NTM: variants seen among roughly 807,000 people sequenced by gnomAD.
NTM encodes neurotrimin, also known as IgLON family member 2.
Under a neutral mutation model 42.1 loss-of-function variants are expected in NTM, and 13 were observed. The observed-to-expected ratio is 0.31, with a 90% CI of 0.20 to 0.49. The LOEUF (loss-of-function observed/expected upper bound fraction) is 0.49. Among genes scored for constraint, NTM ranks in the 20% least tolerant of loss-of-function variants. The pLI, the probability that NTM is intolerant of heterozygous loss-of-function variation, is 0.99. For synonymous variants in NTM, 187 were observed against 179.2 expected (o/e 1.04, Z -0.35); for missense variants, 373 against 452.8 (o/e 0.82, Z 1.60).
chr11:131,874,035 ATATATATATATAT>A lies in NTM; in HGVS notation c.83-37528_83-37516del, dbSNP rs1400756142. Among the ~76,000 whole-genome samples, 25 of 17,758 alleles carry A rather than the reference ATATATATATATAT, an allele frequency of 1.4e-3. 2 individuals are homozygous for A. The highest frequency in any genetic ancestry group is 3.1e-3 in the African/African-American group (23 of 7,498). 11.6% of individuals were successfully genotyped at this position (17,758 alleles called of 152,430 possible). On this transcript the variant is annotated intron_variant, in intron 1 of 8. Coordinates refer to ENST00000683400, the MANE Select transcript of NTM (RefSeq NM_001352005.2). ...ATATTTATATAATATAATATAATAT[ATATATATATATAT>A]ATATATATATATATATATATCAGCA...
chr11:131,465,531 G>A (rs1951801534), intron 1 of NTM, among the ~76,000 whole-genome samples: 1 of 152,128 alleles, frequency 6.6e-6, no homozygotes. Context: ...AACCATTAAA[G>A]TTCTTGTCAT....
chr11:131,451,520 G>T (rs1314020834), intron 1 of NTM, among the ~76,000 whole-genome samples: 2 of 152,136 alleles, frequency 1.3e-5, no homozygotes, highest in Non-Finnish European at 2.9e-5. Flanking sequence ...TCCCATGCAG[G>T]AACTGCTGTG....
At chr11:131,818,534 A>G (rs1274275875) in intron 1 of NTM, among the ~76,000 whole-genome samples, 1 of 152,148 alleles carries the variant, frequency 6.6e-6, no homozygotes, top group East Asian at 1.9e-4. Flanking sequence ...CAGCCTCTTG[A>G]AAGTTGTTGG....
chr11:132,186,087 G>C (rs916088941), intron 3 of NTM, among the ~76,000 whole-genome samples: 6 of 152,182 alleles, frequency 3.9e-5, no homozygotes, highest in Non-Finnish European at 7.4e-5. Context: ...TAAATCCCAG[G>C]CTTTCGGGAA....
Position 132,310,212 on chromosome 11 carries a change from G to T in NTM, c.762G>T (p.Gln254His). Residue 254 changes from glutamine to histidine, a missense_variant, in exon 6 of 9, where the codon CAG becomes CAT. Gln to His is a conservative substitution (Grantham distance 24). Around this residue, in one of 3 missense-constraint regions of NTM, gnomAD observed 312 missense variants for 353.5 expected, o/e 0.88. Transcript: ENST00000683400. Reference protein sequence around the residue: ...EASAVPSAEFQWYKDDKRLIE... With the variant: ...EASAVPSAEFHWYKDDKRLIE... ...CAGCAGTCCCCTCAGCAGAATTCCA[G>T]TGGTACAAGGATGACAAAAGGTAAA... 1 of 1,609,214 alleles carries T rather than the reference G, an allele frequency of 6.2e-7. No homozygotes were observed. The highest frequency in any genetic ancestry group is 8.5e-7 in the Non-Finnish European group (1 of 1,178,308).
rs549880146 is a variant in NTM, at chr11:132,120,953, C to G, written c.168-25329C>G. On this transcript the variant is annotated intron_variant, in intron 2 of 8. Transcript: ENST00000683400. The stretch of plus-strand genomic sequence containing the variant: ...ATGTTTGAGAGAGAGAGAGCACGTA[C>G]ACTCGTGATTTTTCCATGATCTAAT... Among the ~76,000 whole-genome samples the G allele has an allele frequency of 5.3e-5, 8 of 152,250 alleles. No homozygotes were observed. The South Asian group carries it at 1.7e-3, about 32-fold the overall frequency.
chr11:131,512,223 T>G (rs1257759405), intron 1 of NTM, among the ~76,000 whole-genome samples: 1 of 152,250 alleles, frequency 6.6e-6, no homozygotes, highest in Non-Finnish European at 1.5e-5. Context: ...ATGCACACGG[T>G]GGCATGTACT....
At chr11:132,069,483 A>G (rs1464223256) in intron 2 of NTM, among the ~76,000 whole-genome samples, 2 of 125,680 alleles carry the variant, frequency 1.6e-5, no homozygotes, top group Non-Finnish European at 1.7e-5. Context: ...AGGTTAGTTA[A>G]CATGTCACAC....
intron 1 of NTM, among the ~76,000 whole-genome samples, chr11:131,452,066 C>A (rs1410474747): frequency 2.0e-5 from 3 of 152,212 alleles, no homozygotes; most frequent in African/African-American, 7.2e-5. Context: ...TGATCAGAGG[C>A]CATTTGGACC....
intron 1 of NTM, among the ~76,000 whole-genome samples, chr11:131,596,879 T>G (rs933261035): frequency 1.6e-4 from 25 of 152,346 alleles, no homozygotes; most frequent in Middle Eastern, 3.4e-3. Flanking sequence ...ATAGGCCATC[T>G]GCAGGCTGAG....
chr11:131,552,829 A>T (rs980654715), intron 1 of NTM, among the ~76,000 whole-genome samples: 4 of 151,794 alleles, frequency 2.6e-5, no homozygotes, highest in African/African-American at 9.7e-5. Context: ...AAAAAAAAAA[A>T]AATAATAGCC....
At chr11:131,971,244 T>A (rs1236894608) in intron 2 of NTM, among the ~76,000 whole-genome samples, 1 of 152,200 alleles carries the variant, frequency 6.6e-6, no homozygotes, top group African/African-American at 2.4e-5. Context: ...AATCTCTGAT[T>A]CCCATTTTTA....
At chr11:131,646,358 A>G (rs368595755) in intron 1 of NTM, among the ~76,000 whole-genome samples, 55 of 152,198 alleles carry the variant, frequency 3.6e-4, no homozygotes, top group African/African-American at 1.3e-3. Flanking sequence ...TAAAGAAAAA[A>G]GTGGATCCTT....
At position 131,957,494 on chromosome 11, in the gene NTM, A is replaced by G. The variant is rs542494882; in HGVS notation, c.167+45846A>G. 3.3e-5 allele frequency among the ~76,000 whole-genome samples: 5 copies of G among 152,228 alleles called. No homozygotes were observed. The South Asian group carries it at 1.0e-3, about 32-fold the overall frequency. ...CTTGGGAAAATTTTTCTTAATGTTC[A>G]CTAGCGCTAAGATCATTCTGAAACC... On this transcript the variant is annotated intron_variant, in intron 2 of 8. Coordinates refer to ENST00000683400, the MANE Select transcript of NTM (RefSeq NM_001352005.2).
intron 1 of NTM, among the ~76,000 whole-genome samples, chr11:131,744,221 TA>T (rs1389501115): frequency 3.9e-5 from 6 of 152,228 alleles, no homozygotes; most frequent in Admixed American, 3.9e-4. Context: ...GTACTTTAGA[TA>T]TGTAAAGTGC....
At chr11:131,787,733 G>A (rs2089507220) in intron 1 of NTM, among the ~76,000 whole-genome samples, 1 of 152,088 alleles carries the variant, frequency 6.6e-6, no homozygotes, top group African/African-American at 2.4e-5. Flanking sequence ...TCTATGCCAT[G>A]GGATAGTTTA....
intron 1 of NTM, among the ~76,000 whole-genome samples, chr11:131,479,333 A>G (rs1382242857): frequency 6.6e-6 from 1 of 152,216 alleles, no homozygotes; most frequent in African/African-American, 2.4e-5. Flanking sequence ...CCAGACAGAC[A>G]GAACCACATG....
chr11:131,568,672 C>T (rs930371097), intron 1 of NTM, among the ~76,000 whole-genome samples: 12 of 152,172 alleles, frequency 7.9e-5, no homozygotes, highest in Admixed American at 2.6e-4. Flanking sequence ...TCTGCACATA[C>T]TGGGCCTAGA....
At chr11:131,714,910 C>A (rs560542006) in intron 1 of NTM, among the ~76,000 whole-genome samples, 15 of 152,330 alleles carry the variant, frequency 9.8e-5, no homozygotes, top group African/African-American at 3.6e-4. Flanking sequence ...TTTTACCTGG[C>A]AAATGCTCAC....
Sources: allele counts gnomAD v4.1 joint callset (sites outside exome capture counted in the v4.1 genomes callset), GRCh38; gene constraint gnomAD v4.1.1; regional missense constraint gnomAD v4.1.1; transcripts MANE v1.5; gene names NCBI Gene and HGNC (gene_info 2026-07-23, HGNC 2026-07-21).